LGSN: variants seen among roughly 807,000 people sequenced by gnomAD.
LGSN encodes lengsin, lens protein with glutamine synthetase domain.
Under a neutral mutation model 19.5 loss-of-function variants are expected in LGSN, and 21 were observed. That is an observed-to-expected ratio of 1.07 (90% CI 0.76 to 1.55). The LOEUF (loss-of-function observed/expected upper bound fraction) is 1.55. LGSN is among the 40% of genes most tolerant of loss of function. The probability of loss-of-function intolerance (pLI) is 0.00; values close to 1 mark genes in which losing one functional copy is unlikely to be tolerated. For missense variants in LGSN, 673 were observed against 608.5 expected, an observed-to-expected ratio of 1.11 and a Z score of -1.12; for synonymous variants, 257 against 215.6, an observed-to-expected ratio of 1.19 and a Z score of -1.68.
At chr6:63,505,581 GAAAGAAAGAA>G in the LGSN span, among the ~76,000 whole-genome samples, 36 of 79,798 alleles carry the variant, frequency 4.5e-4, 3 homozygotes, top group African/African-American at 1.1e-3. Flanking sequence ...AAGAAAGAAA[GAAAGAAAGAA>G]AGAAAGAAAG....
the LGSN span, among the ~76,000 whole-genome samples, chr6:63,399,736 C>T: frequency 4.6e-5 from 7 of 152,018 alleles, no homozygotes; most frequent in African/African-American, 1.2e-4. Flanking sequence ...CTCCCTGTCA[C>T]CCAGGCTGGA....
chr6:63,556,926 T>C, the LGSN span, among the ~76,000 whole-genome samples: 1 of 152,208 alleles, frequency 6.6e-6, no homozygotes. Flanking sequence ...TCTAATCTCA[T>C]TGTCTGCTGC....
chr6:63,462,224 C>T, the LGSN span, among the ~76,000 whole-genome samples: 299 of 152,292 alleles, frequency 2.0e-3, 1 homozygote, highest in Non-Finnish European at 3.9e-3. Flanking sequence ...GCCTGTCTTT[C>T]CCAGTGGACT....
chr6:63,546,004 C>A, the LGSN span, among the ~76,000 whole-genome samples: 4 of 152,094 alleles, frequency 2.6e-5, no homozygotes, highest in Non-Finnish European at 5.9e-5. Flanking sequence ...ATTATATGAT[C>A]CAGCAATCCC....
chr6:63,548,658 T>G, the LGSN span: 2 of 421,900 alleles, frequency 4.7e-6, no homozygotes, highest in Non-Finnish European at 4.3e-6. Flanking sequence ...TCAAGGAAAA[T>G]TTGTTCTATT....
At chr6:63,319,878 T>A (rs767973389) in intron 1 of LGSN, 36 bp downstream of exon 1, 60 of 1,486,334 alleles carry the variant, frequency 4.0e-5, no homozygotes, top group Non-Finnish European at 5.2e-5. Flanking sequence ...ACTGTCAATA[T>A]TTTGGTTAAA....
the LGSN span, among the ~76,000 whole-genome samples, chr6:63,383,625 A>C: frequency 2.8e-4 from 43 of 152,166 alleles, 1 homozygote; most frequent in African/African-American, 1.0e-3. Flanking sequence ...TTACTAAACT[A>C]ATTTTCTCAG....
At chr6:63,412,483 GAAGAAAGAA>G in the LGSN span, among the ~76,000 whole-genome samples, 3 of 52,866 alleles carry the variant, frequency 5.7e-5, no homozygotes, top group Middle Eastern at 0.013. Flanking sequence ...AGAAGAAAGA[GAAGAAAGAA>G]AGAAAGAAAG....
At chr6:63,463,041 G>A in the LGSN span, among the ~76,000 whole-genome samples, 2 of 152,170 alleles carry the variant, frequency 1.3e-5, no homozygotes, top group Non-Finnish European at 2.9e-5. Context: ...TCTTCTGATA[G>A]GAGAGACAGC....
the LGSN span, among the ~76,000 whole-genome samples, chr6:63,412,395 G>A: frequency 1.6e-5 from 2 of 125,804 alleles, no homozygotes; most frequent in South Asian, 4.9e-4. Context: ...AGAGATGAAA[G>A]AAGGAAAGAA....
chr6:63,312,026 T>C (rs1768648597), intron 1 of LGSN, among the ~76,000 whole-genome samples: 1 of 152,336 alleles, frequency 6.6e-6, no homozygotes. Flanking sequence ...CTTAACATAA[T>C]GTCCTCTAGG....
At chr6:63,481,715 G>T in the LGSN span, 3 of 183,160 alleles carry the variant, frequency 1.6e-5, no homozygotes, top group African/African-American at 4.8e-5. Flanking sequence ...CAAGCAGTCC[G>T]CTTAGTCTGG....
chr6:63,441,072 G>C, the LGSN span: 3 of 170,080 alleles, frequency 1.8e-5, no homozygotes, highest in East Asian at 5.5e-4. Flanking sequence ...TGCCAGGCGT[G>C]GTGGTGCATG....
At chr6:63,333,550 AAAG>A in the LGSN span, among the ~76,000 whole-genome samples, 12 of 147,058 alleles carry the variant, frequency 8.2e-5, no homozygotes, top group Non-Finnish European at 1.4e-4. Flanking sequence ...AAAGAAAGAA[AAAG>A]AAAGGAAGGA....
At chr6:63,483,730 T>C in the LGSN span, among the ~76,000 whole-genome samples, 1 of 152,158 alleles carries the variant, frequency 6.6e-6, no homozygotes, top group Non-Finnish European at 1.5e-5. Context: ...GGCTTATAGA[T>C]GGCCATCTTC....
the LGSN span, among the ~76,000 whole-genome samples, chr6:63,412,529 G>GGAAGGAAGGAAA: frequency 4.0e-4 from 13 of 32,378 alleles, no homozygotes; most frequent in Non-Finnish European, 3.4e-4. Context: ...AAAGAAAGAA[G>GGAAGGAAGGAAA]GAAAGAAAGA....
the LGSN span, among the ~76,000 whole-genome samples, chr6:63,335,036 A>G: frequency 6.6e-5 from 10 of 151,464 alleles, no homozygotes; most frequent in African/African-American, 2.2e-4. Context: ...CCAGATATTC[A>G]GGAGGCTGAG....
At chr6:63,383,412 A>G in the LGSN span, among the ~76,000 whole-genome samples, 3 of 150,582 alleles carry the variant, frequency 2.0e-5, no homozygotes, top group African/African-American at 4.9e-5. Context: ...ACACTCTTGC[A>G]TGCACATACA....
the LGSN span, among the ~76,000 whole-genome samples, chr6:63,475,157 C>T: frequency 6.6e-6 from 1 of 151,980 alleles, no homozygotes; most frequent in African/African-American, 2.4e-5. Context: ...TGCAGAAATG[C>T]TGCTATAAAA....
Sources: allele counts gnomAD v4.1 joint callset (sites outside exome capture counted in the v4.1 genomes callset), GRCh38; gene constraint gnomAD v4.1.1; transcripts MANE v1.5; gene names NCBI Gene and HGNC (gene_info 2026-07-23, HGNC 2026-07-21).